The following TRAPPC9 variants were observed in gnomAD, a reference collection of about 807,000 sequenced individuals.
The protein encoded by TRAPPC9 is IKK2 binding protein.
Under a neutral mutation model 124.0 loss-of-function variants are expected in TRAPPC9, and 83 were observed. That is an observed-to-expected ratio of 0.67 (90% CI 0.56 to 0.80). The LOEUF (loss-of-function observed/expected upper bound fraction) is 0.80, where lower values mean the gene tolerates loss of function less well. Ranked by LOEUF, TRAPPC9 falls within the 30% of genes least tolerant of loss-of-function variation. The probability of loss-of-function intolerance (pLI) is 0.00; values close to 1 mark genes in which losing one functional copy is unlikely to be tolerated. For missense variants in TRAPPC9, 1,302 were observed against 1,508.3 expected, an observed-to-expected ratio of 0.86 and a Z score of 2.27; for synonymous variants, 638 against 617.5, an observed-to-expected ratio of 1.03 and a Z score of -0.49.
At chr8:140,351,958 C>T (rs1469939879) in intron 9 of TRAPPC9, among the ~76,000 whole-genome samples, 1 of 152,218 alleles carries the variant, frequency 6.6e-6, no homozygotes, top group African/African-American at 2.4e-5. Context: ...TGTGCAACAA[C>T]CACCACAATG....
chr8:139,801,881 G>T (rs754355391), intron 21 of TRAPPC9, among the ~76,000 whole-genome samples: 3 of 152,156 alleles, frequency 2.0e-5, no homozygotes, highest in Non-Finnish European at 4.4e-5. Context: ...TGCGCCTCTC[G>T]GTAACCTCCT....
intron 21 of TRAPPC9, among the ~76,000 whole-genome samples, chr8:139,827,748 A>ACC (rs1825734973): frequency 6.6e-6 from 1 of 152,224 alleles, no homozygotes; most frequent in Non-Finnish European, 1.5e-5. Flanking sequence ...ATCAAGGAAC[A>ACC]CCTAGGGCAG....
intron 20 of TRAPPC9, among the ~76,000 whole-genome samples, chr8:139,892,356 C>G (rs1830407579): frequency 6.6e-6 from 1 of 152,214 alleles, no homozygotes; most frequent in Non-Finnish European, 1.5e-5. Context: ...CCAGCTGCCT[C>G]TCTCTGGAGA....
chr8:140,291,223 C>G (rs2065646891), intron 11 of TRAPPC9, 145 bp from the exon 12 acceptor site: 1 of 761,640 alleles, frequency 1.3e-6, no homozygotes, highest in Admixed American at 2.0e-5. Context: ...TGATTCAAAG[C>G]TGCTTTTTCC....
rs531630922 is a variant in TRAPPC9 at position 139,984,036 on chromosome 8, T to C, written c.2810+4690A>G. Among the ~76,000 whole-genome samples the C allele has an allele frequency of 1.2e-4, 18 of 152,302 alleles. No homozygotes were observed. The highest frequency in any genetic ancestry group is 2.1e-4 in the Non-Finnish European group (14 of 68,024). ...AAGCATGTTGCTCCTCCTCGTGCTG[T>C]TGGGGACACATTTCTATCCATAGCT... On this transcript the variant is annotated intron_variant, in intron 19 of 22. Coordinates refer to ENST00000438773, the MANE Select transcript of TRAPPC9 (RefSeq NM_001160372.4). The surrounding 1 kb of genome is among the most constrained non-coding windows in gnomAD (Gnocchi z 4.3).
rs1817661884 is a variant in TRAPPC9, at chr8:139,728,489, T to G, written c.*2572A>C. ...TGGAAGAGGCTGGAGGATACTGCGC[T>G]GTCACTGAGACACCTGCCCCAGGTC... On this transcript the variant is annotated 3_prime_UTR_variant, in exon 23 of 23. Transcript: ENST00000438773. Among the ~76,000 whole-genome samples, 1 of 152,188 alleles carries G rather than the reference T, an allele frequency of 6.6e-6. No homozygotes were observed. Among genetic ancestry groups the G allele is most frequent in the Non-Finnish European group, 1.5e-5 (1 of 68,034 alleles).
At position 139,907,933 on chromosome 8, in the gene TRAPPC9, T is replaced by C. The variant is rs1002628353; in HGVS notation, c.2964+2214A>G. ...GCCACGCCACTTTCTCTTTGTGAAGTGGAGTCACAGTTTTCATCTGCAAGA... is the reference window on the plus strand; with the variant it reads ...GCCACGCCACTTTCTCTTTGTGAAGCGGAGTCACAGTTTTCATCTGCAAGA... On this transcript the variant is annotated intron_variant, in intron 20 of 22. Transcript: ENST00000438773. The surrounding 1 kb of genome is among the most constrained non-coding windows in gnomAD (Gnocchi z 4.7). 7.2e-5 allele frequency among the ~76,000 whole-genome samples: 11 copies of C among 151,998 alleles called. No homozygotes were observed. The highest frequency in any genetic ancestry group is 2.7e-4 in the African/African-American group (11 of 41,372).
At chr8:140,254,739 G>A (rs774881041) in intron 15 of TRAPPC9, among the ~76,000 whole-genome samples, 13 of 152,272 alleles carry the variant, frequency 8.5e-5, no homozygotes, top group African/African-American at 3.1e-4. Flanking sequence ...GAACGTCTTC[G>A]GTCTGAATAA....
intron 7 of TRAPPC9, among the ~76,000 whole-genome samples, chr8:140,382,954 C>G (rs2068652617): frequency 6.6e-6 from 1 of 152,212 alleles, no homozygotes; most frequent in African/African-American, 2.4e-5. Context: ...GGGTAGCCCT[C>G]TAAGACGAAA....
At chr8:139,817,656 G>T (rs1468646421) in intron 21 of TRAPPC9, among the ~76,000 whole-genome samples, 1 of 152,258 alleles carries the variant, frequency 6.6e-6, no homozygotes, top group Non-Finnish European at 1.5e-5. Context: ...GCCCATGGCT[G>T]CTGCTCACCG....
chr8:139,760,070 T>C (rs1257169790), intron 21 of TRAPPC9, among the ~76,000 whole-genome samples: 4 of 152,184 alleles, frequency 2.6e-5, no homozygotes, highest in Admixed American at 2.0e-4. Context: ...ATGTGTGCGT[T>C]TGTGCACAGT....
intron 17 of TRAPPC9, among the ~76,000 whole-genome samples, chr8:140,074,235 C>T (rs1051175932): frequency 3.3e-5 from 5 of 152,148 alleles, no homozygotes; most frequent in East Asian, 1.9e-4. Flanking sequence ...ACTCCTCCTC[C>T]TCCTACACCC....
At chr8:140,168,130 A>G (rs1167152905) in intron 17 of TRAPPC9, among the ~76,000 whole-genome samples, 1 of 152,222 alleles carries the variant, frequency 6.6e-6, no homozygotes, top group Non-Finnish European at 1.5e-5. Context: ...ATGCACTGAC[A>G]ATGAGGTAGT....
rs186871281 is a variant in TRAPPC9 at position 139,812,321 on chromosome 8, G to A, written c.3055+73558C>T. Among the ~76,000 whole-genome samples, 765 of 152,282 alleles carry A rather than the reference G, an allele frequency of 5.0e-3. 14 individuals carry two copies. The highest frequency in any genetic ancestry group is 2.2e-3 in the Non-Finnish European group (152 of 68,032). On this transcript the variant is annotated intron_variant, in intron 21 of 22. Coordinates refer to ENST00000438773, the MANE Select transcript of TRAPPC9 (RefSeq NM_001160372.4). Reference sequence around the variant, plus strand: ...ATTGTCACAGTAAAAATGAACAGAAGAACTCTGTGGGGATTTAACCAAGAA... The same window carrying A: ...ATTGTCACAGTAAAAATGAACAGAAAAACTCTGTGGGGATTTAACCAAGAA...
chr8:140,108,047 GT>G lies in TRAPPC9; in HGVS notation c.2557-83969del, dbSNP rs2060699599. Among the ~76,000 whole-genome samples the G allele has an allele frequency of 2.2e-5, 3 of 138,994 alleles. No homozygotes were observed. In the South Asian group the frequency reaches 7.0e-4, roughly 33 times the overall value. 91.2% of individuals were successfully genotyped at this position (138,994 alleles called of 152,430 possible). On this transcript the variant is annotated intron_variant, in intron 17 of 22. Coordinates refer to ENST00000438773, the MANE Select transcript of TRAPPC9 (RefSeq NM_001160372.4). ...GATACGTGTGTTTATACATAGACAG[GT>G]TATCCTCTGGGTGATATCCGAACTC...
chr8:140,043,547 G>A (rs924036167), intron 17 of TRAPPC9, among the ~76,000 whole-genome samples: 1 of 152,194 alleles, frequency 6.6e-6, no homozygotes, highest in African/African-American at 2.4e-5. Context: ...ACCATCCTGA[G>A]GCCTGATGGG....
At chr8:139,778,816 T>A (rs1254051513) in intron 21 of TRAPPC9, among the ~76,000 whole-genome samples, 2 of 152,128 alleles carry the variant, frequency 1.3e-5, no homozygotes, top group South Asian at 2.1e-4. Context: ...ACTGGAGACC[T>A]CTGAAGGAGA....
intron 15 of TRAPPC9, among the ~76,000 whole-genome samples, chr8:140,261,268 T>C (rs2064401261): frequency 6.6e-6 from 1 of 152,236 alleles, no homozygotes; most frequent in Non-Finnish European, 1.5e-5. Context: ...GGACACTTAC[T>C]GCACAGCCTT....
At chr8:139,800,336 G>C (rs1336955397) in intron 21 of TRAPPC9, among the ~76,000 whole-genome samples, 2 of 152,262 alleles carry the variant, frequency 1.3e-5, no homozygotes, top group African/African-American at 4.8e-5. Flanking sequence ...TGGGTGACCA[G>C]AGCTGCCATC....
Sources: gnomAD v4.1 joint callset for allele counts (sites outside exome capture counted in the v4.1 genomes callset) on GRCh38, gnomAD v4.1.1 for gene constraint, Gnocchi (gnomAD v3.1) non-coding constraint, MANE v1.5 for transcripts, NCBI Gene and HGNC (gene_info 2026-07-23, HGNC 2026-07-21) for gene names.